HIVEP3: variants seen among roughly 807,000 people sequenced by gnomAD.
HIVEP3 encodes the protein HIVEP zinc finger 3.
HIVEP3 carries 49 observed loss-of-function variants against 152.8 expected under a neutral mutation model. The ratio of observed to expected loss-of-function variants is 0.32; its 90% confidence interval spans 0.26 to 0.41. The LOEUF (loss-of-function observed/expected upper bound fraction) is 0.41, where lower values mean the gene tolerates loss of function less well. Among genes scored for constraint, HIVEP3 ranks in the 10% least tolerant of loss-of-function variants. HIVEP3 has a pLI of 1.00. For missense variants in HIVEP3, 2,790 were observed against 3,103.3 expected, an observed-to-expected ratio of 0.90 and a Z score of 2.40; for synonymous variants, 1,269 against 1,289.0, an observed-to-expected ratio of 0.98 and a Z score of 0.33.
At chr1:41,747,131 A>C (rs1299413683) in intron 1 of HIVEP3, among the ~76,000 whole-genome samples, 1 of 152,228 alleles carries the variant, frequency 6.6e-6, no homozygotes, top group East Asian at 1.9e-4. Context: ...TTTAAAGGCC[A>C]AACACCTGCT....
At chr1:41,742,380 C>T (rs1260591376) in intron 1 of HIVEP3, among the ~76,000 whole-genome samples, 3 of 152,240 alleles carry the variant, frequency 2.0e-5, no homozygotes, top group Non-Finnish European at 4.4e-5. Context: ...GCATACTCTG[C>T]TGCTGTTGAC....
intron 1 of HIVEP3, among the ~76,000 whole-genome samples, chr1:41,789,293 GT>G (rs1649548403): frequency 6.6e-6 from 1 of 152,166 alleles, no homozygotes; most frequent in Admixed American, 6.6e-5. Flanking sequence ...TCATGCTTCA[GT>G]TTCCTCATCT....
chr1:41,531,941 T>C (rs1362816980), intron 5 of HIVEP3, among the ~76,000 whole-genome samples: 2 of 87,822 alleles, frequency 2.3e-5, no homozygotes, highest in African/African-American at 9.6e-5. Flanking sequence ...ACAGGGGAGA[T>C]GGAGGACAGG....
chr1:41,682,345 T>G (rs1312954749), intron 2 of HIVEP3, among the ~76,000 whole-genome samples: 1 of 152,088 alleles, frequency 6.6e-6, no homozygotes, highest in African/African-American at 2.4e-5. Context: ...TGTGGATGTG[T>G]CTGTCTCCCT....
At chr1:41,549,223 A>C (rs1446242691) in intron 5 of HIVEP3, among the ~76,000 whole-genome samples, 1 of 152,210 alleles carries the variant, frequency 6.6e-6, no homozygotes, top group African/African-American at 2.4e-5. Context: ...CTATGGGTAC[A>C]TAGTATTCCA....
chr1:41,660,869 G>A (rs1174272217), intron 2 of HIVEP3, among the ~76,000 whole-genome samples: 3 of 152,212 alleles, frequency 2.0e-5, no homozygotes, highest in Non-Finnish European at 4.4e-5. Flanking sequence ...AACCTTTACT[G>A]GTGGAACAGC....
chr1:41,606,656 CAGG>C (rs1644826404), intron 3 of HIVEP3, among the ~76,000 whole-genome samples: 2 of 151,784 alleles, frequency 1.3e-5, no homozygotes, highest in Non-Finnish European at 2.9e-5. Context: ...GAAATAACTC[CAGG>C]AGGTTTTATT....
intron 1 of HIVEP3, among the ~76,000 whole-genome samples, chr1:41,894,771 C>G (rs1179922044): frequency 1.3e-5 from 2 of 152,156 alleles, no homozygotes; most frequent in South Asian, 2.1e-4. Flanking sequence ...TCTGCTGTAA[C>G]CCAGCACTGA....
intron 1 of HIVEP3, among the ~76,000 whole-genome samples, chr1:41,822,496 CT>C (rs1642637161): frequency 6.6e-6 from 1 of 152,184 alleles, no homozygotes; most frequent in Admixed American, 6.5e-5. Flanking sequence ...GCTCATATTC[CT>C]TGCTAATTGC....
At chr1:42,034,741 A>G (rs894979857) in intron 1 of HIVEP3, among the ~76,000 whole-genome samples, 14 of 152,200 alleles carry the variant, frequency 9.2e-5, no homozygotes, top group African/African-American at 2.9e-4. Context: ...CAAGTATCCA[A>G]ACTTATTTAA....
At chr1:41,939,882 C>G (rs949436715) in intron 1 of HIVEP3, among the ~76,000 whole-genome samples, 4 of 151,864 alleles carry the variant, frequency 2.6e-5, no homozygotes, top group African/African-American at 9.7e-5. Flanking sequence ...TTTTATTTCC[C>G]ATTTTTCTTT....
chr1:41,625,186 A>G (rs1645100323), intron 3 of HIVEP3, among the ~76,000 whole-genome samples: 1 of 141,288 alleles, frequency 7.1e-6, no homozygotes, highest in South Asian at 2.2e-4. Context: ...AAAAAAAAAA[A>G]AAAAAAGAAT....
At chr1:41,631,942 G>A (rs1001522374) in intron 2 of HIVEP3, among the ~76,000 whole-genome samples, 9 of 152,128 alleles carry the variant, frequency 5.9e-5, no homozygotes, top group Middle Eastern at 3.2e-3. Flanking sequence ...TCTTCTGCAT[G>A]GGATGCTACT....
intron 5 of HIVEP3, among the ~76,000 whole-genome samples, chr1:41,562,626 T>TCC (rs1456610062): frequency 6.0e-4 from 68 of 112,704 alleles, no homozygotes; most frequent in African/African-American, 1.1e-3. Flanking sequence ...TCTCTCTCTC[T>TCC]CTCTCTCCCT....
exon 1 of HIVEP3, chr1:42,035,894 C>A (rs1413838971): frequency 6.7e-6 from 1 of 150,068 alleles, no homozygotes; most frequent in African/African-American, 2.4e-5. Context: ...ACCCGGGCCA[C>A]GGCATGCGAG....
At chr1:41,989,410 CAA>C (rs979733295) in intron 1 of HIVEP3, among the ~76,000 whole-genome samples, 107 of 151,916 alleles carry the variant, frequency 7.0e-4, no homozygotes, top group African/African-American at 2.3e-3. Flanking sequence ...AATCATAGAG[CAA>C]TCTATATGGT....
intron 3 of HIVEP3, among the ~76,000 whole-genome samples, chr1:41,625,779 AC>A (rs1300376265): frequency 1.3e-5 from 2 of 152,238 alleles, no homozygotes; most frequent in African/African-American, 4.8e-5. Context: ...CTTAAATTAG[AC>A]TAAGTCTAAA....
At chr1:42,026,272 C>T (rs986188158) in intron 1 of HIVEP3, among the ~76,000 whole-genome samples, 1 of 152,086 alleles carries the variant, frequency 6.6e-6, no homozygotes, top group East Asian at 1.9e-4. Context: ...GACTCTCCAC[C>T]TTGAGCAAGG....
chr1:41,709,501 T>G (rs1454252130), intron 1 of HIVEP3, among the ~76,000 whole-genome samples: 2 of 152,116 alleles, frequency 1.3e-5, no homozygotes, highest in Non-Finnish European at 2.9e-5. Flanking sequence ...TAGCAATCTC[T>G]GAGGTCAGAA....
Sources: gnomAD v4.1 joint callset for allele counts (sites outside exome capture counted in the v4.1 genomes callset) on GRCh38, gnomAD v4.1.1 for gene constraint, MANE v1.5 for transcripts, NCBI Gene and HGNC (gene_info 2026-07-23, HGNC 2026-07-21) for gene names.